The following CNKSR2 variants were observed in gnomAD, a reference collection of about 807,000 sequenced individuals.
CNKSR2 encodes CNK homolog protein 2.
A neutral mutation model predicts 84.4 loss-of-function variants in CNKSR2; 14 were observed. The observed-to-expected ratio is 0.17, with a 90% CI of 0.11 to 0.26. CNKSR2 has a LOEUF of 0.26. Ranked by LOEUF, CNKSR2 falls within the 10% of genes least tolerant of loss-of-function variation. CNKSR2 has a pLI of 1.00. For synonymous variants in CNKSR2, 275 were observed against 277.9 expected, an observed-to-expected ratio of 0.99 and a Z score of 0.10; for missense variants, 485 against 771.2, an observed-to-expected ratio of 0.63 and a Z score of 4.40.
chrX:21,414,015 A>T (rs1355102567), intron 1 of CNKSR2, among the ~76,000 whole-genome samples: 2 of 111,088 alleles, frequency 1.8e-5, no homozygotes, highest in East Asian at 2.8e-4. Context: ...CAGAATAGCC[A>T]CTGGGTCTTC....
At chrX:21,632,066 T>C (rs758623746) in intron 20 of CNKSR2, among the ~76,000 whole-genome samples, 46 of 112,461 alleles carry the variant, frequency 4.1e-4, no homozygotes, top group Non-Finnish European at 6.8e-4. Context: ...GAATAACTTA[T>C]TACTTTTATC....
chrX:21,518,961 TACTATTGGTTGGGGGAGGGG>T (rs2091756087), intron 9 of CNKSR2, among the ~76,000 whole-genome samples: 1 of 111,783 alleles, frequency 8.9e-6, no homozygotes, highest in African/African-American at 3.2e-5. Flanking sequence ...AGATAAATAA[TACTATTGGTTGGGGGAGGGG>T]AGACTGCTTC....
At chrX:21,566,507 G>T (rs1168199597) in intron 13 of CNKSR2, among the ~76,000 whole-genome samples, 1 of 111,047 alleles carries the variant, frequency 9.0e-6, no homozygotes, top group South Asian at 3.8e-4. Context: ...CTTCATTTTT[G>T]CCAATTACTC....
intron 11 of CNKSR2, among the ~76,000 whole-genome samples, chrX:21,544,694 C>T (rs888110575): frequency 9.0e-6 from 1 of 111,165 alleles, no homozygotes; most frequent in African/African-American, 3.3e-5. Context: ...GTACCTGGCT[C>T]ATCTCACTGG....
intron 7 of CNKSR2, among the ~76,000 whole-genome samples, chrX:21,500,593 G>C (rs1401256181): frequency 9.0e-6 from 1 of 110,835 alleles, no homozygotes; most frequent in Non-Finnish European, 1.9e-5. Context: ...TAATCAATAA[G>C]TAGCTAACAA....
intron 4 of CNKSR2, among the ~76,000 whole-genome samples, chrX:21,451,832 A>G: frequency 9.1e-6 from 1 of 110,431 alleles, no homozygotes; most frequent in African/African-American, 3.3e-5. Context: ...CGTGTACCCT[A>G]AAACTTAAAG....
chrX:21,562,947 A>G (rs1278402602), intron 12 of CNKSR2, among the ~76,000 whole-genome samples: 1 of 111,809 alleles, frequency 8.9e-6, no homozygotes, highest in Non-Finnish European at 1.9e-5. Context: ...TAGTTGGTCC[A>G]AAGCTAAAAC....
chrX:21,418,909 A>G (rs936353850), intron 1 of CNKSR2, among the ~76,000 whole-genome samples: 1 of 110,616 alleles, frequency 9.0e-6, no homozygotes, highest in African/African-American at 3.3e-5. Flanking sequence ...TTGCTGTTCT[A>G]TAACCTTCTT....
intron 1 of CNKSR2, among the ~76,000 whole-genome samples, chrX:21,406,814 G>A (rs1347172988): frequency 9.0e-6 from 1 of 111,506 alleles, no homozygotes; most frequent in African/African-American, 3.3e-5. Flanking sequence ...ATTTTCTTGA[G>A]GTCTTCTGAA....
chrX:21,461,521 C>T (rs1368584834), intron 4 of CNKSR2, among the ~76,000 whole-genome samples: 1 of 111,366 alleles, frequency 9.0e-6, no homozygotes, highest in Non-Finnish European at 1.9e-5. Flanking sequence ...CTTTGCTGTA[C>T]AGAAGCTTTT....
chrX:21,640,748 A>G (rs751602979), intron 20 of CNKSR2, among the ~76,000 whole-genome samples: 1 of 112,246 alleles, frequency 8.9e-6, no homozygotes, highest in South Asian at 3.7e-4. Context: ...CCTGCTGACA[A>G]TATTTATTAG....
intron 8 of CNKSR2, among the ~76,000 whole-genome samples, chrX:21,515,721 CAG>C (rs1343708488): frequency 9.0e-6 from 1 of 111,463 alleles, no homozygotes; most frequent in African/African-American, 3.3e-5. Flanking sequence ...GTAATTTTAA[CAG>C]GGGATGCAGT....
chrX:21,587,623 A>G (rs764206101), intron 13 of CNKSR2, among the ~76,000 whole-genome samples: 2 of 112,107 alleles, frequency 1.8e-5, no homozygotes, highest in Non-Finnish European at 3.8e-5. Context: ...GTCACTGACA[A>G]TGAATAATTC....
At chrX:21,587,630 A>C (rs2092396431) in intron 13 of CNKSR2, among the ~76,000 whole-genome samples, 1 of 112,212 alleles carries the variant, frequency 8.9e-6, no homozygotes, top group Admixed American at 9.4e-5. Flanking sequence ...ACAATGAATA[A>C]TTCCATCAGT....
chrX:21,512,387 A>G (rs142423244), intron 8 of CNKSR2, among the ~76,000 whole-genome samples: 6 of 112,003 alleles, frequency 5.4e-5, no homozygotes, highest in Non-Finnish European at 1.1e-4. Context: ...AACACATGCT[A>G]AAGTTTGAGA....
At chrX:21,628,379 G>A (rs990002359) in intron 20 of CNKSR2, among the ~76,000 whole-genome samples, 2 of 111,408 alleles carry the variant, frequency 1.8e-5, no homozygotes, top group East Asian at 5.6e-4. Context: ...TCATCTCACA[G>A]CTCCACTAGG....
At chrX:21,422,305 C>T (rs953173902) in intron 1 of CNKSR2, 2 of 111,527 alleles carry the variant, frequency 1.8e-5, no homozygotes, top group Non-Finnish European at 3.8e-5. Flanking sequence ...GGGTTTCCCT[C>T]AGTCACCCTG....
chrX:21,625,089 T>C (rs1413916934), intron 20 of CNKSR2, among the ~76,000 whole-genome samples: 3 of 112,387 alleles, frequency 2.7e-5, no homozygotes, highest in Non-Finnish European at 5.6e-5. Context: ...AATGCTTTTT[T>C]AGAATTTAAA....
At chrX:21,481,286 G>C (rs973199942) in intron 5 of CNKSR2, among the ~76,000 whole-genome samples, 2 of 112,017 alleles carry the variant, frequency 1.8e-5, no homozygotes, top group Admixed American at 9.5e-5. Flanking sequence ...AGATCATGGA[G>C]CTAGTAAGTG....
Sources: gnomAD v4.1 joint callset for allele counts (sites outside exome capture counted in the v4.1 genomes callset) on GRCh38, gnomAD v4.1.1 for gene constraint, MANE v1.5 for transcripts, NCBI Gene and HGNC (gene_info 2026-07-23, HGNC 2026-07-21) for gene names.